Variants in TSEN2 observed in about 807,000 individuals in gnomAD.
TSEN2 encodes tRNA-splicing endonuclease subunit Sen2.
A neutral mutation model predicts 59.2 loss-of-function variants in TSEN2; 54 were observed. The observed-to-expected ratio is 0.91, with a 90% CI of 0.73 to 1.14. The LOEUF (loss-of-function observed/expected upper bound fraction) is 1.14, where lower values mean the gene tolerates loss of function less well. Ranked by LOEUF, TSEN2 falls within the 50% of genes most tolerant of loss-of-function variation. The pLI is 0.00. For synonymous variants in TSEN2, 195 were observed against 198.2 expected (o/e 0.98, Z 0.14); for missense variants, 636 against 576.2 (o/e 1.10, Z -1.06).
upstream of TSEN2, among the ~76,000 whole-genome samples, chr3:12,482,889 C>A (rs1427930615): frequency 6.6e-6 from 1 of 152,236 alleles, no homozygotes; most frequent in Non-Finnish European, 1.5e-5. Context: ...CCCAATCCAT[C>A]CTGTTACCAT....
intron 1 of TSEN2, among the ~76,000 whole-genome samples, chr3:12,487,124 C>T (rs1176462082): frequency 6.6e-6 from 1 of 152,172 alleles, no homozygotes; most frequent in Non-Finnish European, 1.5e-5. Context: ...CTCCTCCAGT[C>T]CTGTTCGATT....
chr3:12,494,598 G>A (rs987866226), intron 3 of TSEN2, among the ~76,000 whole-genome samples: 3 of 151,562 alleles, frequency 2.0e-5, no homozygotes, highest in African/African-American at 4.8e-5. Flanking sequence ...ACAGAGTTTC[G>A]CCATGTTGAG....
At chr3:12,513,867 G>A (rs79517286) in intron 6 of TSEN2, among the ~76,000 whole-genome samples, 284 of 152,338 alleles carry the variant, frequency 1.9e-3, no homozygotes, top group African/African-American at 6.5e-3. Context: ...GAAATGGAAC[G>A]CAATGTTCAC....
chr3:12,493,726 C>CTAAA (rs1182634199), intron 3 of TSEN2, among the ~76,000 whole-genome samples: 11 of 151,642 alleles, frequency 7.3e-5, no homozygotes, highest in African/African-American at 1.9e-4. Flanking sequence ...GACTCCGTTT[C>CTAAA]TAAATAAATA....
rs369565106 is a variant in TSEN2 at position 12,498,266 on chromosome 3, A to G, written c.308+1712A>G. Among the ~76,000 whole-genome samples, 16 of 152,204 alleles carry G rather than the reference A, an allele frequency of 1.1e-4. 1 individual carries two copies. Among genetic ancestry groups the G allele is most frequent in the Admixed American group, 7.9e-4 (12 of 15,286 alleles). On this transcript the variant is annotated intron_variant, in intron 4 of 11. Coordinates refer to ENST00000284995, the MANE Select transcript of TSEN2 (RefSeq NM_025265.4). Reference sequence around the variant, plus strand: ...CTGGGGTGCGTAATCTGGGAGGTGTATGTTGTCCTACTATTCCTTAGTCAA... The same window carrying G: ...CTGGGGTGCGTAATCTGGGAGGTGTGTGTTGTCCTACTATTCCTTAGTCAA...
intron 2 of TSEN2, among the ~76,000 whole-genome samples, chr3:12,490,914 G>A (rs2053151413): frequency 6.6e-6 from 1 of 152,196 alleles, no homozygotes; most frequent in African/African-American, 2.4e-5. Context: ...TTCATTTACA[G>A]TATATAACAT....
At chr3:12,511,724 G>A (rs896028651) in intron 6 of TSEN2, among the ~76,000 whole-genome samples, 1 of 151,936 alleles carries the variant, frequency 6.6e-6, no homozygotes, top group Non-Finnish European at 1.5e-5. Context: ...ATGCCACCAC[G>A]CCCAGCTAAT....
At chr3:12,510,602 C>T (rs1483093045) in intron 6 of TSEN2, among the ~76,000 whole-genome samples, 2 of 152,144 alleles carry the variant, frequency 1.3e-5, no homozygotes, top group African/African-American at 2.4e-5. Context: ...GTTTACGCAT[C>T]GTCTTGTGCC....
intron 8 of TSEN2, among the ~76,000 whole-genome samples, chr3:12,522,962 T>C (rs917256387): frequency 1.3e-5 from 2 of 152,142 alleles, no homozygotes; most frequent in Non-Finnish European, 2.9e-5. Context: ...TTTTCTTCTG[T>C]TGTTTCATTT....
chr3:12,537,912 T>TAGAG (rs1209406565), downstream of TSEN2, among the ~76,000 whole-genome samples: 1 of 152,208 alleles, frequency 6.6e-6, no homozygotes, highest in Non-Finnish European at 1.5e-5. Flanking sequence ...AGAATTAGAC[T>TAGAG]AGAGAAGCTG....
upstream of TSEN2, among the ~76,000 whole-genome samples, chr3:12,480,536 T>TTTG (rs1559251957): frequency 7.1e-6 from 1 of 141,674 alleles, no homozygotes; most frequent in Admixed American, 7.0e-5. Context: ...TTGTTTTTTT[T>TTTG]TTTTTTTTTT....
rs1328615388 is a variant in TSEN2 at position 12,503,507 on chromosome 3, A to G, written c.554A>G (p.Asp185Gly). Residue 185 changes from aspartate to glycine, a missense_variant, in exon 5 of 12, where the codon GAT (aspartate) becomes GGT (glycine). By Grantham distance (94) the Asp-to-Gly change is moderately conservative. Coordinates refer to ENST00000284995, the MANE Select transcript of TSEN2 (RefSeq NM_025265.4). ...TCTGGAAAGTCAGGTGGTGTGGGTG[A>G]TCCCCGTGAGCCATTAGGCTGCCTG... is the stretch of plus-strand genomic sequence containing the variant. ...GDSGKSGGVG[D>G]PREPLGCLQE... 1 of 1,613,996 alleles carries G rather than the reference A, an allele frequency of 6.2e-7. No homozygotes were observed. The highest frequency in any genetic ancestry group is 8.5e-7 in the Non-Finnish European group (1 of 1,179,988).
chr3:12,530,510 G>C, intron 10 of TSEN2: 1 of 985,488 alleles, frequency 1.0e-6, no homozygotes, highest in South Asian at 4.7e-5. Flanking sequence ...TATCAAGAAA[G>C]AAAGCTGTGT....
At chr3:12,496,877 A>G (rs907712384) in intron 4 of TSEN2, among the ~76,000 whole-genome samples, 2 of 152,216 alleles carry the variant, frequency 1.3e-5, no homozygotes, top group Non-Finnish European at 2.9e-5. Context: ...CCCGGTGGGC[A>G]CAGATGGTCC....
chr3:12,489,795 TG>T lies in TSEN2; in HGVS notation c.-5del. 1 of 1,612,596 alleles carries T rather than the reference TG, an allele frequency of 6.2e-7. No individual in the cohort carries two copies. Among genetic ancestry groups the T allele is most frequent in the East Asian group, 2.2e-5 (1 of 44,882 alleles). On this transcript the variant is annotated 5_prime_UTR_variant, in exon 2 of 12. The change abolishes the stop of an existing upstream ORF in the 5' untranslated region. Transcript: ENST00000284995. ...TCTACTCTTTAAAGAATACCTCCTC[TG>T]AAAAATGGCAGAAGCAGTTTTCCAT...
chr3:12,531,649 T>A lies in TSEN2; in HGVS notation c.1328T>A (p.Ile443Asn). ...GAGTCACCAGAATGTATGAAAAGGA[T>A]TAAAGTTCAGGTGGGTAAACTCAGA... is the stretch of plus-strand genomic sequence containing the variant. ...EMESPECMKR[I>N]KVQEVILSRW... Residue 443 changes from isoleucine (I) to asparagine (N), a missense_variant, in exon 11 of 12, where the codon ATT becomes AAT. Coordinates refer to ENST00000284995, the MANE Select transcript of TSEN2 (RefSeq NM_025265.4). The A allele has an allele frequency of 6.2e-7, 1 of 1,608,054 alleles. No individual in the cohort carries two copies. Among genetic ancestry groups the A allele is most frequent in the Admixed American group, 1.7e-5 (1 of 60,024 alleles).
intron 6 of TSEN2, chr3:12,506,877 A>G (rs1453666899): frequency 1.0e-6 from 1 of 984,994 alleles, no homozygotes; most frequent in Non-Finnish European, 1.2e-6. Context: ...CATGTTGGTA[A>G]TTTTATAGCT....
At chr3:12,532,591 T>C in intron 11 of TSEN2, 71 bp from the exon 12 acceptor site, 1 of 1,420,678 alleles carries the variant, frequency 7.0e-7, no homozygotes, top group South Asian at 1.2e-5. Context: ...GTAGCTGTGG[T>C]GTCAGCTGTG....
In TSEN2 at chr3:12,531,837, A is replaced by G. The variant is rs299641; in HGVS notation, c.1338+178A>G. On this transcript the variant is annotated intron_variant, in intron 11 of 11. Transcript: ENST00000284995. ...ATTGAACCCATTGGACACGAAATCTATGCTGACTTCCTCTATTCCTTAATT... is the reference window on the plus strand; with the variant it reads ...ATTGAACCCATTGGACACGAAATCTGTGCTGACTTCCTCTATTCCTTAATT... Among the ~76,000 whole-genome samples, 65,393 of 151,938 alleles carry G rather than the reference A, an allele frequency of 0.43. 14,533 individuals are homozygous for G. The highest frequency in any genetic ancestry group is 0.47 in the Non-Finnish European group (31,862 of 67,932).
Sources: gnomAD v4.1 joint callset for allele counts (sites outside exome capture counted in the v4.1 genomes callset) on GRCh38, gnomAD v4.1.1 for gene constraint, MANE v1.5 for transcripts, NCBI Gene and HGNC (gene_info 2026-07-23, HGNC 2026-07-21) for gene names.